METTL8: variants seen among roughly 807,000 people sequenced by gnomAD.
METTL8 encodes the protein tRNA N(3)-cytidine methyltransferase METTL8, mitochondrial.
Under a neutral mutation model 48.7 loss-of-function variants are expected in METTL8, and 32 were observed. That is an observed-to-expected ratio of 0.66 (90% CI 0.50 to 0.88). The LOEUF (loss-of-function observed/expected upper bound fraction) is 0.88. METTL8 is among the 40% of genes least tolerant of loss of function. The pLI is 0.00. For missense variants in METTL8, 464 were observed against 474.4 expected (o/e 0.98, Z 0.20); for synonymous variants, 136 against 157.1 (o/e 0.87, Z 1.01).
In METTL8 at chr2:171,339,436, A is replaced by G; in HGVS notation, c.354T>C (p.Asp118=). Reference sequence around the variant, plus strand: ...CTCTCGCCTTCTCTTCAGGTTTTTGATCAACTGGAAGAATTTCAGGAAATT... The same window carrying G: ...CTCTCGCCTTCTCTTCAGGTTTTTGGTCAACTGGAAGAATTTCAGGAAATT... ...LREFPEILPV[D]QKPEEKARES... is the part of the protein sequence containing the mutation. The change falls in exon 4 of 10, where the codon GAT becomes GAC. Residue 118 remains aspartate (D), a synonymous_variant. Transcript: ENST00000375258. The G allele has an allele frequency of 6.2e-7, 1 of 1,613,596 alleles. No individual in the cohort carries two copies. Among genetic ancestry groups the G allele is most frequent in the East Asian group, 2.2e-5 (1 of 44,844 alleles).
At chr2:171,345,575 AT>A (rs1032606321) in intron 3 of METTL8, among the ~76,000 whole-genome samples, 1 of 152,220 alleles carries the variant, frequency 6.6e-6, no homozygotes, top group African/African-American at 2.4e-5. Context: ...AATAACCTAA[AT>A]TTATAAGCAT....
At chr2:171,345,000 C>A (rs1687130523) in intron 3 of METTL8, among the ~76,000 whole-genome samples, 1 of 152,168 alleles carries the variant, frequency 6.6e-6, no homozygotes, top group African/African-American at 2.4e-5. Flanking sequence ...GTGGAGAAAT[C>A]TGCCCTGTCT....
At chr2:171,375,859 T>C (rs907446359) in intron 2 of METTL8, among the ~76,000 whole-genome samples, 1 of 152,204 alleles carries the variant, frequency 6.6e-6, no homozygotes, top group African/African-American at 2.4e-5. Flanking sequence ...TACAAGTGAA[T>C]CTACAATGCA....
chr2:171,366,709 C>A (rs368620823), intron 2 of METTL8, among the ~76,000 whole-genome samples: 1 of 151,280 alleles, frequency 6.6e-6, no homozygotes, highest in South Asian at 2.1e-4. Flanking sequence ...TAGAACAAAC[C>A]CATATACACT....
intron 2 of METTL8, among the ~76,000 whole-genome samples, chr2:171,381,401 C>T (rs1289516442): frequency 6.6e-6 from 1 of 152,114 alleles, no homozygotes; most frequent in Non-Finnish European, 1.5e-5. Flanking sequence ...CCAAAGTTGA[C>T]AAATGGGATC....
At position 171,360,467 on chromosome 2, in the gene METTL8, T is replaced by G. The variant is rs760042743; in HGVS notation, c.190A>C (p.Lys64Gln). Residue 64 changes from lysine to glutamine, a missense_variant, in exon 3 of 10, where the codon AAA becomes CAA. By Grantham distance (53) the Lys-to-Gln change is moderately conservative. Transcript: ENST00000375258. ...SKEEEAAARK[K>Q]VKENSAVRVL... ...CGCACAGCTGAGTTTTCTTTTACTT[T>G]TTTTCTGGCTGCTGCTTCTTCTTCC... 6.2e-7 allele frequency: 1 copy of G among 1,613,966 alleles called. No individual in the cohort carries two copies. The highest frequency in any genetic ancestry group is 8.5e-7 in the Non-Finnish European group (1 of 1,179,974).
rs944015434 is a variant in METTL8, at chr2:171,321,412, T to A, written c.*2760A>T. The A allele has an allele frequency of 1.4e-4, 21 of 152,272 alleles. No individual in the cohort carries two copies. The highest frequency in any genetic ancestry group is 1.0e-3 in the Admixed American group (16 of 15,294). The allele number at this position is 152,272 out of a possible 1,614,324, so 9.4% of individuals were successfully genotyped here. ...GACAACAGGTGCGTGCCACCATCAC[T>A]GGCTAATTTTTGTATTTTTGGTAGA... On this transcript the variant is annotated 3_prime_UTR_variant, in exon 10 of 10. Transcript: ENST00000375258.
chr2:171,365,256 C>G (rs1160436284), intron 2 of METTL8, among the ~76,000 whole-genome samples: 2 of 152,184 alleles, frequency 1.3e-5, no homozygotes, highest in Non-Finnish European at 2.9e-5. Context: ...TCTCCTGAAA[C>G]CCACTCCCAC....
At chr2:171,375,333 C>T in intron 2 of METTL8, 1 of 704,576 alleles carries the variant, frequency 1.4e-6, no homozygotes, top group Non-Finnish European at 2.6e-6. Flanking sequence ...CTGCCAAGTT[C>T]CTCGTTAGCA....
chr2:171,382,671 T>C (rs78997116), intron 2 of METTL8, among the ~76,000 whole-genome samples: 1 of 151,946 alleles, frequency 6.6e-6, no homozygotes, highest in Non-Finnish European at 1.5e-5. Context: ...TGTATGCCTA[T>C]GTAACAAACC....
At chr2:171,351,628 T>C (rs919993837) in intron 3 of METTL8, among the ~76,000 whole-genome samples, 1 of 152,246 alleles carries the variant, frequency 6.6e-6, no homozygotes, top group Non-Finnish European at 1.5e-5. Flanking sequence ...TTGTGTCCTC[T>C]TTTATTTTGT....
chr2:171,361,658 G>A lies in METTL8; in HGVS notation c.144-1145C>T, dbSNP rs1685184640. On this transcript the variant is annotated intron_variant, in intron 2 of 9. Transcript: ENST00000375258. ...TGTCCACTTTGCATAGTGGCTAACA[G>A]AAATTTAATAACTTATTCAAGGTCA... is the stretch of plus-strand genomic sequence containing the variant. 2.0e-5 allele frequency among the ~76,000 whole-genome samples: 3 copies of A among 152,256 alleles called. 1 individual carries two copies. The highest frequency in any genetic ancestry group is 2.9e-5 in the Non-Finnish European group (2 of 68,032).
intron 1 of METTL8, among the ~76,000 whole-genome samples, chr2:171,416,691 C>G (rs1199706622): frequency 1.3e-5 from 2 of 152,310 alleles, no homozygotes; most frequent in Non-Finnish European, 2.9e-5. Context: ...CACATCTGAT[C>G]TTCAACTATC....
chr2:171,407,913 T>C (rs1690350897), intron 1 of METTL8, among the ~76,000 whole-genome samples: 1 of 152,018 alleles, frequency 6.6e-6, no homozygotes, highest in Non-Finnish European at 1.5e-5. Flanking sequence ...AGAAAAGTGG[T>C]GAGGGAATTG....
intron 3 of METTL8, among the ~76,000 whole-genome samples, chr2:171,345,241 C>G (rs530385200): frequency 6.6e-6 from 1 of 152,192 alleles, no homozygotes; most frequent in South Asian, 2.1e-4. Context: ...CGCTAACCAT[C>G]CTTAAATATT....
chr2:171,362,045 G>C (rs1009980377), intron 2 of METTL8, among the ~76,000 whole-genome samples: 2 of 152,146 alleles, frequency 1.3e-5, no homozygotes, highest in South Asian at 2.1e-4. Context: ...TGCATACAGG[G>C]AACAGTTAAA....
chr2:171,430,907 G>A (rs1692944627), intron 1 of METTL8, among the ~76,000 whole-genome samples: 1 of 151,480 alleles, frequency 6.6e-6, no homozygotes, highest in Non-Finnish European at 1.5e-5. Flanking sequence ...ACACTGTTGT[G>A]CCCACCTTTG....
rs1684680070 is a variant in METTL8, at chr2:171,323,984, A to G, written c.*188T>C. The G allele has an allele frequency of 2.3e-6, 1 of 441,284 alleles. No homozygotes were observed. The highest frequency in any genetic ancestry group is 3.9e-6 in the Non-Finnish European group (1 of 253,706). 27.3% of individuals were successfully genotyped at this position (441,284 alleles called of 1,614,324 possible). On this transcript the variant is annotated 3_prime_UTR_variant, in exon 10 of 10. Coordinates refer to ENST00000375258, the MANE Select transcript of METTL8 (RefSeq NM_001321154.2). ...TGAGCATATCAAGTTTTCAAAGCAC[A>G]GAAAAAGGCATACTGTGCTGAACCA...
rs968586685 is a variant in METTL8 at position 171,393,309 on chromosome 2, C to T, written c.-12-1112G>A. On this transcript the variant is annotated intron_variant, in intron 1 of 9. Coordinates refer to ENST00000375258, the MANE Select transcript of METTL8 (RefSeq NM_001321154.2). ...GTGCACATCTGTGGTTCCAGCTACA[C>T]GAGAGGCCAAGCCTAGAGGCTGAAG... Among the ~76,000 whole-genome samples the T allele has an allele frequency of 3.6e-4, 54 of 148,136 alleles. 1 individual carries two copies. The highest frequency in any genetic ancestry group is 2.6e-3 in the Admixed American group (38 of 14,418).
Sources: allele counts gnomAD v4.1 joint callset (sites outside exome capture counted in the v4.1 genomes callset), GRCh38; gene constraint gnomAD v4.1.1; transcripts MANE v1.5; gene names NCBI Gene and HGNC (gene_info 2026-07-23, HGNC 2026-07-21).